The following PTOV1 variants were observed in gnomAD, a reference collection of about 807,000 sequenced individuals.
The protein encoded by PTOV1 is prostate tumor-overexpressed gene 1 protein.
In PTOV1, 20 loss-of-function variants were observed where a neutral mutation model predicts 58.0. The observed-to-expected ratio is 0.34, with a 90% CI of 0.24 to 0.50. The LOEUF (loss-of-function observed/expected upper bound fraction) is 0.50. PTOV1 is among the 20% of genes least tolerant of loss of function. The pLI is 0.98. For synonymous variants in PTOV1, 335 were observed against 234.2 expected (o/e 1.43, Z -3.93); for missense variants, 593 against 565.4 (o/e 1.05, Z -0.50).
At chr19:49,857,127 G>A (rs759354144) in exon 6 of PTOV1, 2 of 1,614,038 alleles carry the variant, frequency 1.2e-6, no homozygotes, top group East Asian at 2.2e-5. Context: ...CCACCCGCAA[G>A]CAGGTGTGCC....
At chr19:49,853,534 G>A (rs1362440286) in intron 1 of PTOV1, among the ~76,000 whole-genome samples, 1 of 151,562 alleles carries the variant, frequency 6.6e-6, no homozygotes. Context: ...GCATGATGGC[G>A]CGGCTTGCAG....
At chr19:49,860,323 C>T (rs772938180) in exon 12 of PTOV1, 9 of 1,606,310 alleles carry the variant, frequency 5.6e-6, no homozygotes, top group East Asian at 2.2e-5. Flanking sequence ...CAGATGAGGC[C>T]CCCGCAGAGA....
At chr19:49,853,404 C>G (rs534917830) in intron 1 of PTOV1, among the ~76,000 whole-genome samples, 5 of 151,574 alleles carry the variant, frequency 3.3e-5, no homozygotes, top group Admixed American at 6.6e-5. Flanking sequence ...GTCTGTAATC[C>G]CAGCACTTTG....
At chr19:49,855,534 G>A (rs2074425457) in intron 5 of PTOV1, 2 of 201,664 alleles carry the variant, frequency 9.9e-6, no homozygotes, top group Non-Finnish European at 2.1e-5. Flanking sequence ...GCAGAGCTGA[G>A]GGTGCTGAAG....
chr19:49,858,461 G>T, intron 9 of PTOV1, 88 bp from the exon 10 acceptor site: 2 of 1,077,280 alleles, frequency 1.9e-6, no homozygotes, highest in Non-Finnish European at 2.7e-6. Flanking sequence ...TCTCAGTTTG[G>T]TCCTGGGCCC....
intron 1 of PTOV1, chr19:49,853,141 A>AT (rs1269746542): frequency 1.3e-5 from 2 of 152,252 alleles, no homozygotes; most frequent in East Asian, 3.9e-4. Context: ...ACAAAATAAA[A>AT]TTTTTTGTGT....
chr19:49,857,769 T>C (rs747204934), exon 7 of PTOV1: 4 of 1,614,016 alleles, frequency 2.5e-6, no homozygotes, highest in South Asian at 2.2e-5. Flanking sequence ...AGTGGTGTCA[T>C]GGAGTGGCAG....
chr19:49,851,016 T>TC (rs1418910987), upstream of PTOV1: 3 of 1,527,118 alleles, frequency 2.0e-6, no homozygotes, highest in East Asian at 4.9e-5. Flanking sequence ...TTCCCAGGAC[T>TC]CCCCCGCGCC....
chr19:49,858,407 G>C, intron 9 of PTOV1, 142 bp from the exon 10 acceptor site: 1 of 723,146 alleles, frequency 1.4e-6, no homozygotes, highest in South Asian at 1.7e-5. Context: ...TGGGCTGGTT[G>C]AGCGGTGGAG....
Position 49,851,453 on chromosome 19 carries a change from G to A in PTOV1, c.125G>A (p.Arg42Gln), listed in dbSNP as rs2074243037. 1.2e-5 allele frequency: 15 copies of A among 1,220,102 alleles called. No individual in the cohort carries two copies. Among genetic ancestry groups the A allele is most frequent in the Non-Finnish European group, 1.4e-5 (14 of 980,814 alleles). 75.6% of individuals were successfully genotyped at this position (1,220,102 alleles called of 1,614,324 possible). ...TCGCGCTCCTGGCCTGCCAGCCCCC[G>A]AGGCCCGCAGCCTCCGCGGATCCGG... is the stretch of plus-strand genomic sequence containing the variant. The change falls in exon 1 of 12, where the codon CGA becomes CAA. Residue 42 changes from arginine to glutamine, a missense_variant. Coordinates refer to ENST00000391842, the Ensembl canonical transcript of PTOV1.
At chr19:49,857,244 A>T in intron 6 of PTOV1, 114 bp downstream of exon 6, 6 of 1,430,134 alleles carry the variant, frequency 4.2e-6, no homozygotes, top group Non-Finnish European at 5.8e-6. Context: ...TGGAGCAAGG[A>T]GCTGCAGGGG....
Position 49,860,263 on chromosome 19 carries a change from C to A in PTOV1, c.1240-5C>A, listed in dbSNP as rs374488487. 6 of 1,613,554 alleles carry A rather than the reference C, an allele frequency of 3.7e-6. No individual in the cohort carries two copies. The highest frequency in any genetic ancestry group is 5.1e-6 in the Non-Finnish European group (6 of 1,179,782). ...TCACCACTGGCCTCTGATTTCTCGC[C>A]GTAGATGGGGGGGTAGTGGTTACCC... is the stretch of plus-strand genomic sequence containing the variant. On this transcript the variant is annotated splice_region_variant and splice_polypyrimidine_tract_variant and intron_variant, in intron 11 of 11. Transcript: ENST00000391842.
chr19:49,860,345 TGACCCTGTCATGTACAGGAGG>T, exon 12 of PTOV1: 1 of 1,331,954 alleles, frequency 7.5e-7, no homozygotes, highest in African/African-American at 1.6e-5. Flanking sequence ...TGGTGAGTGG[TGACCCTGTCATGTACAGGAGG>T]GACCCTGGGG....
At chr19:49,851,982 T>A (rs2074270897) in intron 1 of PTOV1, 1 of 985,160 alleles carries the variant, frequency 1.0e-6, no homozygotes, top group African/African-American at 1.7e-5. Flanking sequence ...AGTGCGCACC[T>A]AGAATACGCG....
intron 1 of PTOV1, chr19:49,851,736 T>C: frequency 9.0e-7 from 1 of 1,117,282 alleles, no homozygotes; most frequent in Non-Finnish European, 1.1e-6. Flanking sequence ...CGGGGCGGGC[T>C]CATATTACTG....
upstream of PTOV1, chr19:49,850,760 C>CGTA: frequency 7.9e-7 from 1 of 1,262,878 alleles, no homozygotes; most frequent in Non-Finnish European, 1.1e-6. Context: ...GGGTGCAATC[C>CGTA]GTACCCTCAG....
chr19:49,858,422 C>T (rs760456186), intron 9 of PTOV1, 127 bp from the exon 10 acceptor site: 82 of 762,316 alleles, frequency 1.1e-4, no homozygotes, highest in Middle Eastern at 6.6e-4. Context: ...GTGGAGATGA[C>T]GTTTCCTGAG....
At chr19:49,858,445 G>T in intron 9 of PTOV1, 104 bp from the exon 10 acceptor site, 1 of 879,950 alleles carries the variant, frequency 1.1e-6, no homozygotes, top group South Asian at 1.5e-5. Context: ...AGGGAGGACA[G>T]GGGAGTCTCA....
chr19:49,859,875 CAG>C, intron 10 of PTOV1, 109 bp from the exon 11 acceptor site: 1 of 1,197,090 alleles, frequency 8.4e-7, no homozygotes, highest in East Asian at 2.3e-5. Flanking sequence ...GGTGTGAGGA[CAG>C]AGCAGTTAGG....
Sources: allele counts gnomAD v4.1 joint callset (sites outside exome capture counted in the v4.1 genomes callset), GRCh38; gene constraint gnomAD v4.1.1; transcripts MANE v1.5; gene names NCBI Gene and HGNC (gene_info 2026-07-23, HGNC 2026-07-21).